Variants in BTRC observed in about 807,000 individuals in gnomAD.
BTRC encodes the protein beta-transducin repeat containing E3 ubiquitin protein ligase.
BTRC carries 42 observed loss-of-function variants against 85.5 expected under a neutral mutation model. The ratio of observed to expected loss-of-function variants is 0.49; its 90% CI spans 0.38 to 0.64. BTRC has a LOEUF of 0.64. BTRC is among the 30% of genes least tolerant of loss of function. The pLI is 0.00. For synonymous variants in BTRC, 255 were observed against 263.3 expected (o/e 0.97, Z 0.30); for missense variants, 594 against 743.5 (o/e 0.80, Z 2.34).
At chr10:101,550,415 G>A (rs2062631005) in intron 13 of BTRC, among the ~76,000 whole-genome samples, 1 of 151,972 alleles carries the variant, frequency 6.6e-6, no homozygotes, top group African/African-American at 2.4e-5. Context: ...CTCCCAAGTA[G>A]CTGGGACTAT....
At chr10:101,485,489 T>G (rs1945958782) in intron 4 of BTRC, among the ~76,000 whole-genome samples, 1 of 152,224 alleles carries the variant, frequency 6.6e-6, no homozygotes, top group East Asian at 1.9e-4. Flanking sequence ...GTGCTGATTC[T>G]GGATGGCCCT....
intron 1 of BTRC, among the ~76,000 whole-genome samples, chr10:101,399,966 A>G (rs1233534036): frequency 1.3e-5 from 2 of 152,214 alleles, no homozygotes; most frequent in Non-Finnish European, 2.9e-5. Flanking sequence ...GAGAGAAAGG[A>G]GAATTTCTTG....
In BTRC at chr10:101,534,959, A is replaced by G. The variant is rs1162962589; in HGVS notation, c.1347+49A>G. The G allele has an allele frequency of 6.9e-6, 11 of 1,583,662 alleles. No homozygotes were observed. In the East Asian group the frequency reaches 9.0e-5, roughly 13 times the overall value. On this transcript the variant is annotated intron_variant, in intron 10 of 14. Coordinates refer to ENST00000370187, the MANE Select transcript of BTRC (RefSeq NM_033637.4). Reference sequence around the variant, plus strand: ...TTTCCAACTTAGAATGGGGGAATTCATATGAAAATTTGATCAAGGGCAATT... The same window carrying G: ...TTTCCAACTTAGAATGGGGGAATTCGTATGAAAATTTGATCAAGGGCAATT...
At chr10:101,360,436 C>T (rs141269140) in intron 1 of BTRC, among the ~76,000 whole-genome samples, 10 of 148,408 alleles carry the variant, frequency 6.7e-5, no homozygotes, top group Admixed American at 1.4e-4. Context: ...TGCAATGGCA[C>T]GATCTCAACT....
At chr10:101,388,330 T>TTTTTA (rs149229640) in intron 1 of BTRC, among the ~76,000 whole-genome samples, 85 of 148,292 alleles carry the variant, frequency 5.7e-4, no homozygotes, top group South Asian at 1.7e-3. Flanking sequence ...ACCCAGCTAA[T>TTTTTA]TTTTATTTTA....
intron 1 of BTRC, among the ~76,000 whole-genome samples, chr10:101,419,656 T>C (rs1282949038): frequency 1.3e-5 from 2 of 152,170 alleles, no homozygotes; most frequent in African/African-American, 2.4e-5. Flanking sequence ...GTTGCAGTCT[T>C]AACCTAATTA....
rs144292209 is a variant in BTRC at position 101,356,906 on chromosome 10, G to A, written c.48+2678G>A. On this transcript the variant is annotated intron_variant, in intron 1 of 14. Transcript: ENST00000370187. The stretch of plus-strand genomic sequence containing the variant: ...AGGACTTTGGGAGGCCGAGGCAGGC[G>A]GATCACGAGGTCAGGAGATCGAGAC... Among the ~76,000 whole-genome samples, 288 of 152,218 alleles carry A rather than the reference G, an allele frequency of 1.9e-3. 1 individual carries two copies. Among genetic ancestry groups the A allele is most frequent in the African/African-American group, 3.5e-3 (144 of 41,544 alleles).
intron 3 of BTRC, among the ~76,000 whole-genome samples, chr10:101,476,641 A>T (rs1380849585): frequency 3.1e-4 from 46 of 148,640 alleles, no homozygotes; most frequent in Non-Finnish European, 4.3e-4. Context: ...TTTTTTTTTT[A>T]AATAGAAATG....
At chr10:101,354,506 C>G in intron 1 of BTRC, 1 of 480,978 alleles carries the variant, frequency 2.1e-6, no homozygotes. Flanking sequence ...GCGCGGGGCC[C>G]TGGAGGGAAA....
chr10:101,490,413 G>T lies in BTRC; in HGVS notation c.324+10956G>T, dbSNP rs564504294. 2.0e-5 allele frequency among the ~76,000 whole-genome samples: 3 copies of T among 152,322 alleles called. No individual in the cohort carries two copies. In the East Asian group the frequency reaches 5.8e-4, roughly 29 times the overall value. On this transcript the variant is annotated intron_variant, in intron 4 of 14. Coordinates refer to ENST00000370187, the MANE Select transcript of BTRC (RefSeq NM_033637.4). Reference sequence around the variant, plus strand: ...TTATTTGGATTCTCATGTGAACCTGGTGAGATGGACTGGATCCCACTTTAC... The same window carrying T: ...TTATTTGGATTCTCATGTGAACCTGTTGAGATGGACTGGATCCCACTTTAC...
intron 4 of BTRC, among the ~76,000 whole-genome samples, chr10:101,510,359 A>G (rs1046141245): frequency 6.6e-6 from 1 of 151,682 alleles, no homozygotes; most frequent in African/African-American, 2.4e-5. Context: ...ATACAAAAAA[A>G]TTTAGCCGAG....
At chr10:101,476,503 G>T (rs1473763437) in intron 3 of BTRC, among the ~76,000 whole-genome samples, 1 of 152,030 alleles carries the variant, frequency 6.6e-6, no homozygotes, top group African/African-American at 2.4e-5. Flanking sequence ...ATGATGTCTT[G>T]ATTTGTTGCC....
chr10:101,405,218 T>TA (rs1174108402), intron 1 of BTRC, among the ~76,000 whole-genome samples: 1 of 151,794 alleles, frequency 6.6e-6, no homozygotes, highest in Non-Finnish European at 1.5e-5. Context: ...CTGCATCTGT[T>TA]ACTGCATATG....
At chr10:101,366,859 T>G (rs1487288983) in intron 1 of BTRC, among the ~76,000 whole-genome samples, 2 of 24,008 alleles carry the variant, frequency 8.3e-5, no homozygotes, top group Non-Finnish European at 1.4e-4. Flanking sequence ...TTAATATATA[T>G]TTATATATTA....
intron 1 of BTRC, among the ~76,000 whole-genome samples, chr10:101,418,476 A>C (rs1462692124): frequency 6.8e-6 from 1 of 147,738 alleles, no homozygotes; most frequent in Non-Finnish European, 1.5e-5. Flanking sequence ...TAAATTTTTC[A>C]AAAATATATA....
At chr10:101,387,707 T>C (rs1445580270) in intron 1 of BTRC, among the ~76,000 whole-genome samples, 1 of 150,978 alleles carries the variant, frequency 6.6e-6, no homozygotes, top group African/African-American at 2.4e-5. Context: ...TTTTTTTTCT[T>C]GAGACGGAGT....
intron 3 of BTRC, among the ~76,000 whole-genome samples, chr10:101,465,989 A>G (rs1358597924): frequency 6.6e-6 from 1 of 152,222 alleles, no homozygotes; most frequent in Non-Finnish European, 1.5e-5. Flanking sequence ...AGTCAAGGAA[A>G]GGATAGCCAC....
rs532155999 is a variant in BTRC at position 101,469,097 on chromosome 10, C to T, written c.234+7039C>T. Among the ~76,000 whole-genome samples, 8 of 152,280 alleles carry T rather than the reference C, an allele frequency of 5.3e-5. No homozygotes were observed. The East Asian group carries it at 7.7e-4, about 15-fold the overall frequency. On this transcript the variant is annotated intron_variant, in intron 3 of 14. Coordinates refer to ENST00000370187, the MANE Select transcript of BTRC (RefSeq NM_033637.4). ...ATAAAAACGTATTAAAGTACTCCAA[C>T]GCAAAACTCTCTGCCTCTGGTTCAG...
At chr10:101,541,816 T>G (rs1209249310) in intron 13 of BTRC, among the ~76,000 whole-genome samples, 4 of 152,220 alleles carry the variant, frequency 2.6e-5, no homozygotes, top group Admixed American at 6.5e-5. Context: ...TATGTGTTGT[T>G]GGATTCACCT....
Sources: allele counts gnomAD v4.1 joint callset (sites outside exome capture counted in the v4.1 genomes callset), GRCh38; gene constraint gnomAD v4.1.1; transcripts MANE v1.5; gene names NCBI Gene and HGNC (gene_info 2026-07-23, HGNC 2026-07-21).